Variants in AMPH observed in about 807,000 individuals in gnomAD.
AMPH encodes amphiphysin (Stiff-Mann syndrome with breast cancer 128kD autoantigen).
AMPH carries 49 observed loss-of-function variants against 99.1 expected under a neutral mutation model. The observed-to-expected ratio is 0.49, with a 90% CI of 0.39 to 0.63. AMPH has a LOEUF of 0.63. AMPH is among the 20% of genes least tolerant of loss of function. AMPH has a pLI of 0.00. For synonymous variants in AMPH, 314 were observed against 317.3 expected (o/e 0.99, Z 0.11); for missense variants, 759 against 863.4 (o/e 0.88, Z 1.52).
chr7:38,588,046 G>A (rs537411125), intron 1 of AMPH, among the ~76,000 whole-genome samples: 50 of 151,620 alleles, frequency 3.3e-4, no homozygotes, highest in Non-Finnish European at 5.6e-4. Context: ...CGACCTCCTG[G>A]GCTCAAGCGA....
intron 20 of AMPH, among the ~76,000 whole-genome samples, chr7:38,387,209 A>C (rs910074421): frequency 4.6e-5 from 7 of 152,244 alleles, no homozygotes; most frequent in African/African-American, 1.7e-4. Flanking sequence ...CGTATGGTCT[A>C]CCTACTATGT....
chr7:38,493,455 AT>A (rs377705937), intron 4 of AMPH, among the ~76,000 whole-genome samples: 182 of 150,370 alleles, frequency 1.2e-3, no homozygotes, highest in African/African-American at 4.0e-3. Context: ...TAGTAGATAC[AT>A]TTTTTTTTTA....
chr7:38,572,497 G>A (rs1314264017), intron 1 of AMPH, among the ~76,000 whole-genome samples: 1 of 152,150 alleles, frequency 6.6e-6, no homozygotes, highest in Non-Finnish European at 1.5e-5. Flanking sequence ...CTGTACAGGG[G>A]ATGCAGGGGC....
rs865801035 is a variant in AMPH at position 38,466,021 on chromosome 7, C to G, written c.666+152G>C. ...GAACTATGTGATCACTATGAAAAAC[C>G]GTAGAAATGTTATCGAGGGTAATAA... On this transcript the variant is annotated intron_variant, in intron 8 of 20. Transcript: ENST00000356264. 8.7e-5 allele frequency: 54 copies of G among 619,370 alleles called. No individual in the cohort carries two copies. In the African/African-American group the frequency reaches 9.8e-4, roughly 11 times the overall value. 38.4% of individuals were successfully genotyped at this position (619,370 alleles called of 1,614,324 possible). A position where few individuals can be genotyped will look rare whatever the true frequency, so the allele number is the denominator to read the frequency against.
chr7:38,484,919 CTG>C (rs1163580652), intron 5 of AMPH, among the ~76,000 whole-genome samples: 1 of 151,690 alleles, frequency 6.6e-6, no homozygotes, highest in Non-Finnish European at 1.5e-5. Context: ...TTAAAATAGA[CTG>C]TTATAAAATA....
At position 38,384,610 on chromosome 7, in the gene AMPH, C is replaced by T; in HGVS notation, c.*208G>A. 3 of 489,980 alleles carry T rather than the reference C, an allele frequency of 6.1e-6. No homozygotes were observed. The highest frequency in any genetic ancestry group is 1.1e-5 in the Non-Finnish European group (3 of 269,114). 30.4% of individuals were successfully genotyped at this position (489,980 alleles called of 1,614,324 possible). On this transcript the variant is annotated 3_prime_UTR_variant, in exon 21 of 21. Transcript: ENST00000356264. ...GCACAAACAAACCTGTTATTGACAA[C>T]ATGGGAATGAGTGAGGATTTTTTCC...
intron 2 of AMPH, among the ~76,000 whole-genome samples, chr7:38,504,853 G>C (rs1167504510): frequency 6.6e-6 from 1 of 152,208 alleles, no homozygotes; most frequent in Non-Finnish European, 1.5e-5. Context: ...CTCTACAACT[G>C]AAAGTCGATT....
At chr7:38,552,661 C>T (rs1467333065) in intron 1 of AMPH, among the ~76,000 whole-genome samples, 2 of 152,110 alleles carry the variant, frequency 1.3e-5, no homozygotes, top group Non-Finnish European at 1.5e-5. Flanking sequence ...TGTCAGGTTA[C>T]TGGGATGCAC....
chr7:38,407,714 T>C (rs1193287699), intron 17 of AMPH, among the ~76,000 whole-genome samples: 1 of 152,222 alleles, frequency 6.6e-6, no homozygotes, highest in Non-Finnish European at 1.5e-5. Flanking sequence ...ATATTTTAAA[T>C]TTTAGCCAAA....
intron 11 of AMPH, among the ~76,000 whole-genome samples, chr7:38,444,681 A>G (rs1786688466): frequency 6.6e-6 from 1 of 152,140 alleles, no homozygotes; most frequent in Non-Finnish European, 1.5e-5. Context: ...TCAGACATCT[A>G]GCAGCCAAAA....
rs368293798 is a variant in AMPH, at chr7:38,384,805, A to G, written c.*13T>C. ...ACCCCGTAACTGAGCTCCTTCTTGC[A>G]GTACTTGTTGCCCTAATCTAAGCGT... is the stretch of plus-strand genomic sequence containing the variant. On this transcript the variant is annotated 3_prime_UTR_variant, in exon 21 of 21. Transcript: ENST00000356264. The G allele has an allele frequency of 7.5e-6, 12 of 1,608,836 alleles. No homozygotes were observed. The highest frequency in any genetic ancestry group is 3.3e-4 in the Middle Eastern group (2 of 6,050).
At chr7:38,568,652 T>G (rs1026833563) in intron 1 of AMPH, among the ~76,000 whole-genome samples, 8 of 151,946 alleles carry the variant, frequency 5.3e-5, no homozygotes, top group African/African-American at 1.7e-4. Context: ...ACAGGAAGAG[T>G]GCTGTATTTG....
intron 17 of AMPH, among the ~76,000 whole-genome samples, chr7:38,409,201 G>A (rs1388779622): frequency 1.3e-5 from 2 of 152,296 alleles, no homozygotes; most frequent in African/African-American, 4.8e-5. Flanking sequence ...AATACAGCGG[G>A]AATTCTGGCT....
chr7:38,558,418 G>A (rs899481005), intron 1 of AMPH, among the ~76,000 whole-genome samples: 5 of 152,138 alleles, frequency 3.3e-5, no homozygotes, highest in African/African-American at 1.2e-4. Flanking sequence ...TGCAATTAGC[G>A]GTCTGGTTTT....
chr7:38,608,049 G>C (rs758711957), intron 1 of AMPH, among the ~76,000 whole-genome samples: 3 of 151,982 alleles, frequency 2.0e-5, no homozygotes, highest in Non-Finnish European at 4.4e-5. Flanking sequence ...GTGTTGTCCA[G>C]GCTGGTCTCA....
intron 5 of AMPH, among the ~76,000 whole-genome samples, chr7:38,479,903 C>T (rs1788227036): frequency 1.3e-5 from 2 of 152,038 alleles, no homozygotes; most frequent in South Asian, 4.1e-4. Flanking sequence ...CTGAGCCCTA[C>T]ACTAAGAGAT....
At chr7:38,564,777 G>A (rs895810011) in intron 1 of AMPH, among the ~76,000 whole-genome samples, 9 of 152,058 alleles carry the variant, frequency 5.9e-5, no homozygotes, top group African/African-American at 2.2e-4. Flanking sequence ...TCGAAGTGGT[G>A]AAAAAACCTT....
chr7:38,545,115 A>G (rs563753777), intron 1 of AMPH, among the ~76,000 whole-genome samples: 15 of 152,358 alleles, frequency 9.8e-5, no homozygotes, highest in Admixed American at 8.5e-4. Context: ...TACATGTGCC[A>G]GCAATGTTGC....
chr7:38,525,578 T>C (rs551772953), intron 2 of AMPH, among the ~76,000 whole-genome samples: 1 of 151,980 alleles, frequency 6.6e-6, no homozygotes, highest in South Asian at 2.1e-4. Context: ...TCCCTTGTAT[T>C]GACTTTTTAT....
Sources: allele counts gnomAD v4.1 joint callset (sites outside exome capture counted in the v4.1 genomes callset), GRCh38; gene constraint gnomAD v4.1.1; transcripts MANE v1.5; gene names NCBI Gene and HGNC (gene_info 2026-07-23, HGNC 2026-07-21).